AUTS2: variants seen among roughly 807,000 people sequenced by gnomAD.
The protein encoded by AUTS2 is autism susceptibility gene 2 protein.
Under a neutral mutation model 112.4 loss-of-function variants are expected in AUTS2, and 17 were observed. The ratio of observed to expected loss-of-function variants is 0.15; its 90% CI spans 0.10 to 0.23. The LOEUF (loss-of-function observed/expected upper bound fraction) is 0.23, where lower values mean the gene tolerates loss of function less well. AUTS2 is among the 10% of genes least tolerant of loss of function. The pLI, the probability that AUTS2 is intolerant of heterozygous loss-of-function variation, is 1.00. For missense variants in AUTS2, 1,510 were observed against 1,701.6 expected, an observed-to-expected ratio of 0.89 and a Z score of 1.98; for synonymous variants, 751 against 702.7, an observed-to-expected ratio of 1.07 and a Z score of -1.09.
intron 5 of AUTS2, among the ~76,000 whole-genome samples, chr7:70,628,497 C>A (rs1429118278): frequency 6.6e-6 from 1 of 151,796 alleles, no homozygotes; most frequent in East Asian, 1.9e-4. Flanking sequence ...TGAGTTTTAG[C>A]TAGGATTATA....
intron 4 of AUTS2, among the ~76,000 whole-genome samples, chr7:70,420,974 G>A (rs946967773): frequency 2.6e-5 from 4 of 152,136 alleles, no homozygotes; most frequent in African/African-American, 9.7e-5. Flanking sequence ...CCCATAAAGA[G>A]ACAATCCATG....
chr7:70,724,342 A>C (rs1026521183), intron 6 of AUTS2, among the ~76,000 whole-genome samples: 1 of 152,072 alleles, frequency 6.6e-6, no homozygotes, highest in Non-Finnish European at 1.5e-5. Context: ...TAATATTATA[A>C]CTAGATTCTC....
intron 4 of AUTS2, among the ~76,000 whole-genome samples, chr7:70,156,402 C>G (rs1807761281): frequency 6.6e-6 from 1 of 152,110 alleles, no homozygotes; most frequent in South Asian, 2.1e-4. Flanking sequence ...TTTCTCTGGG[C>G]TCAAATATGA....
At chr7:70,330,797 T>G (rs1790710837) in intron 4 of AUTS2, among the ~76,000 whole-genome samples, 1 of 152,238 alleles carries the variant, frequency 6.6e-6, no homozygotes. Context: ...TTAAAATTTC[T>G]TTTAGTAATG....
chr7:70,605,542 T>TTC lies in AUTS2; in HGVS notation c.691-93023_691-93022dup, dbSNP rs1385649150. ...TTTTTTTCTTTCTTTCTTTCCTTCT[T>TTC]TCTCTTTTTTTTTTTTTTTTTTTTG... On this transcript the variant is annotated intron_variant, in intron 5 of 18. Coordinates refer to ENST00000342771, the MANE Select transcript of AUTS2 (RefSeq NM_015570.4). 6.9e-4 allele frequency among the ~76,000 whole-genome samples: 66 copies of TTC among 95,104 alleles called. 1 individual carries two copies. The highest frequency in any genetic ancestry group is 2.9e-3 in the African/African-American group (62 of 21,714). 62.4% of individuals were successfully genotyped at this position (95,104 alleles called of 152,430 possible). A position where few individuals can be genotyped will look rare whatever the true frequency, so the allele number is the denominator to read the frequency against.
chr7:70,608,472 C>T (rs926516187), intron 5 of AUTS2, among the ~76,000 whole-genome samples: 5 of 152,120 alleles, frequency 3.3e-5, no homozygotes, highest in Admixed American at 6.5e-5. Flanking sequence ...TTTTTAAATG[C>T]CTCTGCCCAT....
intron 1 of AUTS2, among the ~76,000 whole-genome samples, chr7:69,864,295 TG>T (rs1353786132): frequency 1.3e-5 from 2 of 152,172 alleles, no homozygotes; most frequent in African/African-American, 4.8e-5. Context: ...TGCAGCCAAG[TG>T]AGAGCAAATC....
intron 4 of AUTS2, among the ~76,000 whole-genome samples, chr7:70,224,079 CT>C: frequency 6.6e-6 from 1 of 152,210 alleles, no homozygotes; most frequent in Non-Finnish European, 1.5e-5. Context: ...TTTTAAGAGG[CT>C]GAGGCAGGTG....
intron 4 of AUTS2, among the ~76,000 whole-genome samples, chr7:70,368,915 G>C (rs920580184): frequency 4.6e-5 from 7 of 152,138 alleles, no homozygotes; most frequent in African/African-American, 1.7e-4. Context: ...ACAGCTGTTT[G>C]TTAAAATAAT....
At chr7:70,606,006 C>T (rs529220488) in intron 5 of AUTS2, among the ~76,000 whole-genome samples, 12 of 152,290 alleles carry the variant, frequency 7.9e-5, no homozygotes, top group African/African-American at 2.9e-4. Flanking sequence ...ACCTTAGGGT[C>T]ATAGCAAGCC....
chr7:69,991,245 T>C (rs1024042268), intron 2 of AUTS2, among the ~76,000 whole-genome samples: 6 of 152,314 alleles, frequency 3.9e-5, no homozygotes, highest in Non-Finnish European at 7.4e-5. Context: ...TTTGGTAAAA[T>C]GATTCAAGGT....
At chr7:70,517,231 TGTAC>T (rs1799452032) in intron 5 of AUTS2, among the ~76,000 whole-genome samples, 1 of 152,214 alleles carries the variant, frequency 6.6e-6, no homozygotes, top group Admixed American at 6.5e-5. Context: ...TGCTCACCTG[TGTAC>T]AGCACCCAAC....
At chr7:69,669,168 ATACC>A (rs1796202069) in intron 1 of AUTS2, among the ~76,000 whole-genome samples, 1 of 152,210 alleles carries the variant, frequency 6.6e-6, no homozygotes, top group African/African-American at 2.4e-5. Flanking sequence ...AATTTCAAAA[ATACC>A]TAAATAGCAC....
intron 4 of AUTS2, among the ~76,000 whole-genome samples, chr7:70,333,013 A>G (rs145847405): frequency 7.2e-4 from 109 of 152,352 alleles, no homozygotes; most frequent in African/African-American, 2.5e-3. Flanking sequence ...AACTATCATT[A>G]GAGTGAACAG....
At chr7:69,940,937 A>G (rs554984283) in intron 2 of AUTS2, among the ~76,000 whole-genome samples, 2 of 152,326 alleles carry the variant, frequency 1.3e-5, no homozygotes, top group East Asian at 3.9e-4. Context: ...CTGGAACATG[A>G]ACAAATTATC....
At chr7:69,875,690 G>C (rs759192410) in intron 1 of AUTS2, among the ~76,000 whole-genome samples, 1 of 152,162 alleles carries the variant, frequency 6.6e-6, no homozygotes, top group Admixed American at 6.5e-5. Context: ...AAGCACAAAA[G>C]TGGTGTCCCA....
In AUTS2 at chr7:70,086,381, C is replaced by T. The variant is rs905571673; in HGVS notation, c.523-31751C>T. Among the ~76,000 whole-genome samples the T allele has an allele frequency of 1.3e-4, 20 of 152,296 alleles. 1 individual carries two copies. Among genetic ancestry groups the T allele is most frequent in the African/African-American group, 4.8e-4 (20 of 41,574 alleles). The stretch of plus-strand genomic sequence containing the variant: ...CAGTGGCCGGGCACAATGGCTCACG[C>T]CTGTAATCCTAGCACTTTGGGAGGC... On this transcript the variant is annotated intron_variant, in intron 2 of 18. Coordinates refer to ENST00000342771, the MANE Select transcript of AUTS2 (RefSeq NM_015570.4).
At chr7:69,769,407 A>G (rs1265524212) in intron 1 of AUTS2, among the ~76,000 whole-genome samples, 1 of 152,210 alleles carries the variant, frequency 6.6e-6, no homozygotes, top group Non-Finnish European at 1.5e-5. Context: ...CTGTCCAGGA[A>G]GTGGGAGGTT....
intron 5 of AUTS2, among the ~76,000 whole-genome samples, chr7:70,673,403 G>A (rs1807749799): frequency 7.0e-6 from 1 of 143,806 alleles, no homozygotes; most frequent in South Asian, 2.3e-4. Context: ...GTCTCTCTTT[G>A]TCTCCCAGGC....
Sources: gnomAD v4.1 joint callset for allele counts (sites outside exome capture counted in the v4.1 genomes callset) on GRCh38, gnomAD v4.1.1 for gene constraint, MANE v1.5 for transcripts, NCBI Gene and HGNC (gene_info 2026-07-23, HGNC 2026-07-21) for gene names.